CD3G: variants seen among roughly 807,000 people sequenced by gnomAD.
CD3G encodes the protein T-cell surface glycoprotein CD3 gamma chain.
In CD3G, 24 loss-of-function variants were observed where a neutral mutation model predicts 28.3. That is an observed-to-expected ratio of 0.85 (90% CI 0.61 to 1.19). The LOEUF is 1.19. Among genes scored for constraint, CD3G ranks in the 50% most tolerant of loss-of-function variants. CD3G has a pLI of 0.00. For missense variants in CD3G, 211 were observed against 210.0 expected (o/e 1.00, Z -0.03); for synonymous variants, 71 against 75.9 (o/e 0.93, Z 0.34).
chr11:118,352,709 AG>A (rs1388467499), intron 6 of CD3G, among the ~76,000 whole-genome samples: 4 of 152,254 alleles, frequency 2.6e-5, no homozygotes, highest in Non-Finnish European at 1.5e-5. Context: ...ATCCTGTCAG[AG>A]CAGGGCCTCA....
chr11:118,349,209 A>G, intron 2 of CD3G, 159 bp downstream of exon 2: 1 of 1,584,974 alleles, frequency 6.3e-7, no homozygotes. Flanking sequence ...GTGACCTGAC[A>G]TAACCTGTTC....
chr11:118,351,486 A>T, intron 4 of CD3G, 142 bp from the exon 5 acceptor site: 2 of 749,798 alleles, frequency 2.7e-6, no homozygotes, highest in Non-Finnish European at 4.6e-6. Context: ...AGCTTCTTTC[A>T]CTCAACAACA....
chr11:118,349,434 C>A, intron 2 of CD3G: 1 of 686,172 alleles, frequency 1.5e-6, no homozygotes, highest in African/African-American at 1.8e-5. Context: ...CAGTTTCTTA[C>A]CTGTATAGTA....
chr11:118,349,725 C>A lies in CD3G; in HGVS notation c.80-18C>A, dbSNP rs771499584. The A allele has an allele frequency of 5.5e-5, 87 of 1,578,462 alleles. 1 individual carries two copies. The South Asian group carries it at 9.2e-4, about 17-fold the overall frequency. On this transcript the variant is annotated intron_variant, in intron 2 of 6. Coordinates refer to ENST00000532917, the MANE Select transcript of CD3G (RefSeq NM_000073.3). The stretch of plus-strand genomic sequence containing the variant: ...AGAGGCAAGATCCTTAATAGAACCA[C>A]GGCTTTTCTCATTTCAGGAAACCAC...
intron 1 of CD3G, among the ~76,000 whole-genome samples, chr11:118,348,389 T>C (rs1177811453): frequency 6.9e-6 from 1 of 144,608 alleles, no homozygotes; most frequent in Non-Finnish European, 1.6e-5. Context: ...TATTAAAAAA[T>C]AAAATAAAAT....
chr11:118,347,794 T>A (rs1452865663), intron 1 of CD3G, among the ~76,000 whole-genome samples: 1 of 152,134 alleles, frequency 6.6e-6, no homozygotes, highest in Non-Finnish European at 1.5e-5. Context: ...AATTTTTTTG[T>A]ATTGTCTGTA....
chr11:118,352,942 C>T (rs1948422765), intron 6 of CD3G, among the ~76,000 whole-genome samples, 177 bp from the exon 7 acceptor site: 1 of 152,144 alleles, frequency 6.6e-6, no homozygotes, highest in South Asian at 2.1e-4. Flanking sequence ...CCAAACATCA[C>T]CTCCAGGGCA....
At chr11:118,348,429 C>T (rs550108398) in intron 1 of CD3G, among the ~76,000 whole-genome samples, 75 of 152,266 alleles carry the variant, frequency 4.9e-4, no homozygotes, top group African/African-American at 1.6e-3. Context: ...AGGGCAAGGT[C>T]TAGGAGGGTC....
In CD3G at chr11:118,344,459, G is replaced by A. The variant is rs181713283; in HGVS notation, c.36G>A (p.Leu12=). 1.6e-4 allele frequency: 251 copies of A among 1,570,588 alleles called. No individual in the cohort carries two copies. In the Middle Eastern group the frequency reaches 2.0e-3, roughly 13 times the overall value. ...EQGKGLAVLI[L]AIILLQGTLA... is the part of the protein sequence containing the mutation. Reference sequence around the variant, plus strand: ...GGAAGGGCCTGGCTGTCCTCATCCTGGCTATCATTCTTCTTCAAGGTAAGG... The same window carrying A: ...GGAAGGGCCTGGCTGTCCTCATCCTAGCTATCATTCTTCTTCAAGGTAAGG... Residue 12 remains leucine (L), a synonymous_variant, in exon 1 of 7, where the codon CTG becomes CTA. Transcript: ENST00000532917.
intron 1 of CD3G, among the ~76,000 whole-genome samples, chr11:118,348,306 G>T (rs1235468658): frequency 6.6e-6 from 1 of 152,124 alleles, no homozygotes; most frequent in Non-Finnish European, 1.5e-5. Flanking sequence ...GGATTCCCAT[G>T]ACCCTCCTCA....
Position 118,349,772 on chromosome 11 carries a change from CAAG to C in CD3G, c.114_116del (p.Glu38del), listed in dbSNP as rs1479957483. The C allele has an allele frequency of 6.2e-7, 1 of 1,613,960 alleles. No individual in the cohort carries two copies. The highest frequency in any genetic ancestry group is 8.5e-7 in the Non-Finnish European group (1 of 1,179,902). ...CCACTTGGTTAAGGTGTATGACTATCAAGAAGATGGTTCGGTACTTCTGACTTG... is the reference window on the plus strand; with the variant it reads ...CCACTTGGTTAAGGTGTATGACTATCAAGATGGTTCGGTACTTCTGACTTG... On this transcript the variant is annotated inframe_deletion, in exon 3 of 7. Transcript: ENST00000532917.
chr11:118,353,214 A>G lies in CD3G; in HGVS notation c.*114A>G, dbSNP rs200466017. On this transcript the variant is annotated 3_prime_UTR_variant, in exon 7 of 7. Coordinates refer to ENST00000532917, the MANE Select transcript of CD3G (RefSeq NM_000073.3). Reference sequence around the variant, plus strand: ...ACTTTCAGCCCTAAATCTAGACTCAAGGTTCCCAGAGATGACAAATGGAGA... The same window carrying G: ...ACTTTCAGCCCTAAATCTAGACTCAGGGTTCCCAGAGATGACAAATGGAGA... 1 of 152,190 alleles carries G rather than the reference A, an allele frequency of 6.6e-6. No individual in the cohort carries two copies. The highest frequency in any genetic ancestry group is 1.5e-5 in the Non-Finnish European group (1 of 68,058). The allele number at this position is 152,190 out of a possible 1,614,324, so 9.4% of individuals were successfully genotyped here.
At chr11:118,350,059 A>G (rs1948392494) in intron 3 of CD3G, 89 bp downstream of exon 3, 8 of 964,484 alleles carry the variant, frequency 8.3e-6, no homozygotes, top group South Asian at 1.3e-5. Context: ...AAGTGGAAAT[A>G]GATCCTCAAC....
Position 118,350,564 on chromosome 11 carries a change from G to C in CD3G, c.320G>C (p.Cys107Ser). 6.2e-7 allele frequency: 1 copy of C among 1,613,454 alleles called. No individual in the cohort carries two copies. Among genetic ancestry groups the C allele is most frequent in the Non-Finnish European group, 8.5e-7 (1 of 1,179,414 alleles). Reference sequence around the variant, plus strand: ...CTTTTCCCTACAGTGTGTCAGAACTGCATTGAACTAAATGCAGCCACCATA... The same window carrying C: ...CTTTTCCCTACAGTGTGTCAGAACTCCATTGAACTAAATGCAGCCACCATA... ...LQVYYRMCQN[C>S]IELNAATISG... Residue 107 changes from cysteine (C) to serine (S), a missense_variant, in exon 4 of 7, where the codon TGC becomes TCC. By Grantham distance (112) the Cys-to-Ser change is moderately radical. Coordinates refer to ENST00000532917, the MANE Select transcript of CD3G (RefSeq NM_000073.3).
intron 5 of CD3G, 137 bp downstream of exon 5, chr11:118,351,808 G>A: frequency 1.3e-6 from 1 of 780,632 alleles, no homozygotes; most frequent in Non-Finnish European, 2.2e-6. Context: ...GATCAGTTTG[G>A]GTAGAATAAA....
At position 118,349,896 on chromosome 11, in the gene CD3G, C is replaced by T; in HGVS notation, c.233C>T (p.Ala78Val). 1 of 1,614,092 alleles carries T rather than the reference C, an allele frequency of 6.2e-7. No individual in the cohort carries two copies. The highest frequency in any genetic ancestry group is 1.7e-5 in the Admixed American group (1 of 60,006). Reference sequence around the variant, plus strand: ...AAAAAATGGAATCTGGGAAGTAATGCCAAGGACCCTCGAGGGATGTATCAG... The same window carrying T: ...AAAAAATGGAATCTGGGAAGTAATGTCAAGGACCCTCGAGGGATGTATCAG... ...DKKKWNLGSN[A>V]KDPRGMYQCK... The change falls in exon 3 of 7, where the codon GCC (alanine) becomes GTC (valine). Residue 78 changes from alanine to valine, a missense_variant. Physicochemically the swap from Ala to Val is moderately conservative, Grantham distance 64. Coordinates refer to ENST00000532917, the MANE Select transcript of CD3G (RefSeq NM_000073.3).
chr11:118,348,903 A>C, intron 1 of CD3G, 124 bp from the exon 2 acceptor site: 1 of 1,077,076 alleles, frequency 9.3e-7, no homozygotes, highest in Non-Finnish European at 1.4e-6. Context: ...CTAAGTATAG[A>C]TACTACCATT....
At position 118,352,403 on chromosome 11, in the gene CD3G, G is replaced by A. The variant is rs1948418139; in HGVS notation, c.484-1G>A. 6.2e-7 allele frequency: 1 copy of A among 1,613,422 alleles called. No homozygotes were observed. Among genetic ancestry groups the A allele is most frequent in the African/African-American group, 1.3e-5 (1 of 74,888 alleles). The stretch of plus-strand genomic sequence containing the variant: ...ACTTATGACTGTGCTGTCCTTTCCA[G>A]CCCCTCAAGGATCGAGAAGATGACC... On this transcript the variant is annotated splice_acceptor_variant, in intron 5 of 6. Transcript: ENST00000532917. LOFTEE classifies it high-confidence loss of function.
intron 1 of CD3G, 26 bp from the exon 2 acceptor site, chr11:118,349,001 A>G (rs766539285): frequency 6.2e-7 from 1 of 1,613,810 alleles, no homozygotes; most frequent in South Asian, 1.1e-5. Flanking sequence ...CCCAGCTAAT[A>G]CTCTATCTCT....
Sources: allele counts gnomAD v4.1 joint callset (sites outside exome capture counted in the v4.1 genomes callset), GRCh38; gene constraint gnomAD v4.1.1; transcripts MANE v1.5; gene names NCBI Gene and HGNC (gene_info 2026-07-23, HGNC 2026-07-21).